SNX25: variants seen among roughly 807,000 people sequenced by gnomAD.
The protein encoded by SNX25 is sorting nexin-25.
A neutral mutation model predicts 113.7 loss-of-function variants in SNX25; 62 were observed. That is an observed-to-expected ratio of 0.55 (90% CI 0.44 to 0.67). SNX25 has a LOEUF of 0.67. Ranked by LOEUF, SNX25 falls within the 30% of genes least tolerant of loss-of-function variation. SNX25 has a pLI of 0.00. For synonymous variants in SNX25, 421 were observed against 436.2 expected (o/e 0.97, Z 0.43); for missense variants, 1,014 against 1,161.0 (o/e 0.87, Z 1.84).
intron 3 of SNX25, among the ~76,000 whole-genome samples, chr4:185,263,847 A>T (rs904718909): frequency 3.3e-5 from 5 of 152,212 alleles, no homozygotes; most frequent in Non-Finnish European, 7.3e-5. Flanking sequence ...CTTCACTCAG[A>T]TCCTCCAAAT....
intron 2 of SNX25, among the ~76,000 whole-genome samples, chr4:185,253,352 C>T (rs192297716): frequency 8.5e-5 from 13 of 152,242 alleles, no homozygotes; most frequent in African/African-American, 3.1e-4. Context: ...ACAACAAAAC[C>T]CCAGACGTTG....
In SNX25 at chr4:185,341,992, G is replaced by A. The variant is rs900295996; in HGVS notation, c.2063G>A (p.Gly688Asp). 29 of 1,601,700 alleles carry A rather than the reference G, an allele frequency of 1.8e-5. No homozygotes were observed. The highest frequency in any genetic ancestry group is 2.4e-5 in the Non-Finnish European group (28 of 1,175,912). ...ITSGEVTEEN[G>D]EQLPCYFVMV... Reference sequence around the variant, plus strand: ...TTCCCCAAGGTTACAGAAGAGAATGGTGAGCAATTGCCATGTTACTTTGTC... The same window carrying A: ...TTCCCCAAGGTTACAGAAGAGAATGATGAGCAATTGCCATGTTACTTTGTC... Residue 688 changes from glycine to aspartate, a missense_variant, in exon 12 of 19, where the codon GGT (glycine) becomes GAT (aspartate). By Grantham distance (94) the Gly-to-Asp change is moderately conservative (BLOSUM62 -1). Coordinates refer to ENST00000652585, the MANE Select transcript of SNX25 (RefSeq NM_001378034.2).
chr4:185,370,902 C>T, downstream of SNX25: 1 of 1,398,882 alleles, frequency 7.1e-7, no homozygotes, highest in African/African-American at 1.4e-5. Context: ...GTCCTTGTGC[C>T]TGAAGTGATT....
intron 9 of SNX25, among the ~76,000 whole-genome samples, chr4:185,327,264 A>G (rs1477661297): frequency 6.6e-6 from 1 of 152,346 alleles, no homozygotes; most frequent in South Asian, 2.1e-4. Context: ...GACTTACTCC[A>G]GCATTTAACT....
At chr4:185,372,796 A>T (rs2095420265), downstream of SNX25, 15 of 1,396,922 alleles carry the variant, frequency 1.1e-5, no homozygotes, top group South Asian at 2.0e-4. Flanking sequence ...TCTGTTTCTC[A>T]TAAATTACCT....
At chr4:185,356,144 C>CGT (rs1386488821) in intron 15 of SNX25, among the ~76,000 whole-genome samples, 2 of 150,354 alleles carry the variant, frequency 1.3e-5, no homozygotes, top group Non-Finnish European at 3.0e-5. Context: ...TAATGGGGCT[C>CGT]GCGTGTGTGT....
rs1458172563 is a variant in SNX25, at chr4:185,234,675, C to T, written c.430-12619C>T. 1.3e-4 allele frequency among the ~76,000 whole-genome samples: 2 copies of T among 15,728 alleles called. 1 individual carries two copies. The highest frequency in any genetic ancestry group is 1.5e-3 in the Admixed American group (2 of 1,322). The allele number at this position is 15,728 out of a possible 152,430, so 10.3% of individuals were successfully genotyped here. A position where few individuals can be genotyped will look rare whatever the true frequency, so the allele number is the denominator to read the frequency against. ...CCAGCCTGGGCGACAGAGCGAGACT[C>T]TGTCTCAAAAAAAAAAAAAAAAAAA... On this transcript the variant is annotated intron_variant, in intron 1 of 18. Coordinates refer to ENST00000652585, the MANE Select transcript of SNX25 (RefSeq NM_001378034.2).
intron 2 of SNX25, among the ~76,000 whole-genome samples, chr4:185,256,275 T>C (rs1008830805): frequency 6.6e-6 from 1 of 152,258 alleles, no homozygotes. Flanking sequence ...CTGAGGCTGC[T>C]GGAATCACTC....
chr4:185,248,050 G>A (rs1189944268), intron 2 of SNX25, among the ~76,000 whole-genome samples: 2 of 152,088 alleles, frequency 1.3e-5, no homozygotes, highest in African/African-American at 4.8e-5. Context: ...GAAGTTAAGA[G>A]AGCTGAACAA....
chr4:185,224,212 C>T (rs1432759526), intron 1 of SNX25, among the ~76,000 whole-genome samples: 1 of 151,750 alleles, frequency 6.6e-6, no homozygotes, highest in Non-Finnish European at 1.5e-5. Context: ...ATTAGCTGGG[C>T]ATGGTGGCGT....
At chr4:185,259,453 G>A (rs1355452553) in intron 3 of SNX25, among the ~76,000 whole-genome samples, 1 of 152,162 alleles carries the variant, frequency 6.6e-6, no homozygotes, top group Non-Finnish European at 1.5e-5. Flanking sequence ...TGAGTCCTAT[G>A]TTGAGCTCTG....
intron 5 of SNX25, among the ~76,000 whole-genome samples, chr4:185,268,431 T>G (rs908759974): frequency 2.6e-5 from 4 of 152,228 alleles, no homozygotes; most frequent in African/African-American, 9.6e-5. Context: ...TTTAATAGTA[T>G]ATACACATTT....
At chr4:185,247,230 T>G (rs1477643389) in intron 1 of SNX25, 64 bp from the exon 2 acceptor site, 1 of 1,069,914 alleles carries the variant, frequency 9.3e-7, no homozygotes, top group African/African-American at 1.8e-5. Flanking sequence ...TACCTTTGAT[T>G]TTTTTTTTTT....
At chr4:185,221,059 A>C (rs1251213137) in intron 1 of SNX25, among the ~76,000 whole-genome samples, 2 of 145,490 alleles carry the variant, frequency 1.4e-5, no homozygotes, top group African/African-American at 5.1e-5. Flanking sequence ...CTGAGACAGG[A>C]TCTGGCTCTG....
intron 9 of SNX25, among the ~76,000 whole-genome samples, chr4:185,329,663 G>A (rs896008505): frequency 4.6e-5 from 7 of 151,598 alleles, no homozygotes; most frequent in Admixed American, 1.3e-4. Flanking sequence ...GATTGGAGCC[G>A]CATGAGGAAG....
chr4:185,206,113 A>G (rs1440007987), upstream of SNX25, among the ~76,000 whole-genome samples: 2 of 152,222 alleles, frequency 1.3e-5, no homozygotes, highest in African/African-American at 4.8e-5. Flanking sequence ...TGTTCTGAAA[A>G]ACTTGAACAT....
chr4:185,212,451 A>T (rs1373673524), intron 1 of SNX25, among the ~76,000 whole-genome samples: 1 of 144,106 alleles, frequency 6.9e-6, no homozygotes, highest in Non-Finnish European at 1.5e-5. Flanking sequence ...TGTATTTCCA[A>T]TAATTTGTGT....
At chr4:185,348,699 A>G (rs2095300427) in intron 13 of SNX25, among the ~76,000 whole-genome samples, 1 of 152,134 alleles carries the variant, frequency 6.6e-6, no homozygotes, top group African/African-American at 2.4e-5. Flanking sequence ...GCCCAGCCAC[A>G]TTTATCATTT....
At chr4:185,220,903 G>T (rs948417258) in intron 1 of SNX25, among the ~76,000 whole-genome samples, 1 of 152,010 alleles carries the variant, frequency 6.6e-6, no homozygotes, top group East Asian at 1.9e-4. Context: ...TCACTCTGTT[G>T]CCTAGGCTGA....
Sources: gnomAD v4.1 joint callset for allele counts (sites outside exome capture counted in the v4.1 genomes callset) on GRCh38, gnomAD v4.1.1 for gene constraint, MANE v1.5 for transcripts, NCBI Gene and HGNC (gene_info 2026-07-23, HGNC 2026-07-21) for gene names.